Variants in L3MBTL3 observed in about 807,000 individuals in gnomAD.
L3MBTL3 encodes the protein L3MBTL histone methyl-lysine binding protein 3.
A neutral mutation model predicts 102.3 loss-of-function variants in L3MBTL3; 27 were observed. That is an observed-to-expected ratio of 0.26 (90% confidence interval 0.19 to 0.36). The LOEUF is 0.36. L3MBTL3 is among the 10% of genes least tolerant of loss of function. L3MBTL3 has a pLI of 1.00. For missense variants in L3MBTL3, 798 were observed against 955.3 expected (o/e 0.84, Z 2.17); for synonymous variants, 340 against 320.9 (o/e 1.06, Z -0.64).
chr6:130,086,270 G>A lies in L3MBTL3; in HGVS notation c.1518+20G>A. 6.7e-7 allele frequency: 1 copy of A among 1,484,846 alleles called. No homozygotes were observed. The highest frequency in any genetic ancestry group is 1.2e-5 in the South Asian group (1 of 83,538). The allele number at this position is 1,484,846 out of a possible 1,614,324, so 92.0% of individuals were successfully genotyped here. A position where few individuals can be genotyped will look rare whatever the true frequency, so the allele number is the denominator to read the frequency against. Reference sequence around the variant, plus strand: ...GTAAAAGTAAGTGTTCTGTGTGGGGGGTTGGCTTTGTCTTTTGTTATAAGA... The same window carrying A: ...GTAAAAGTAAGTGTTCTGTGTGGGGAGTTGGCTTTGTCTTTTGTTATAAGA... On this transcript the variant is annotated intron_variant, in intron 16 of 22. Transcript: ENST00000361794.
rs554935051 is a variant in L3MBTL3 at position 130,141,126 on chromosome 6, A to C, written c.*1373A>C. On this transcript the variant is annotated 3_prime_UTR_variant, in exon 23 of 23. Transcript: ENST00000361794. ...TATTTATTCAAGGACTATTTTAAAA[A>C]TAGAAAGTAAGTTTGTAGCATGCTG... 6.6e-6 allele frequency: 1 copy of C among 152,386 alleles called. No individual in the cohort carries two copies. Among genetic ancestry groups the C allele is most frequent in the Admixed American group, 6.5e-5 (1 of 15,302 alleles). The allele number at this position is 152,386 out of a possible 1,614,324, so 9.4% of individuals were successfully genotyped here.
chr6:130,116,939 T>C (rs977369292), intron 19 of L3MBTL3, among the ~76,000 whole-genome samples: 1 of 149,322 alleles, frequency 6.7e-6, no homozygotes, highest in Admixed American at 6.6e-5. Flanking sequence ...TATTTTTTTT[T>C]CCTCTTATTT....
intron 4 of L3MBTL3, 138 bp from the exon 5 acceptor site, chr6:130,049,618 G>A: frequency 7.2e-6 from 7 of 971,080 alleles, no homozygotes; most frequent in South Asian, 4.2e-5. Context: ...GTAGCACAAG[G>A]TTAGTTGGAA....
At position 130,117,845 on chromosome 6, in the gene L3MBTL3, G is replaced by A. The variant is rs540012608; in HGVS notation, c.1887-3034G>A. Among the ~76,000 whole-genome samples the A allele has an allele frequency of 4.7e-5, 7 of 148,574 alleles. No individual in the cohort carries two copies. The South Asian group carries it at 1.3e-3, about 27-fold the overall frequency. On this transcript the variant is annotated intron_variant, in intron 19 of 22. Coordinates refer to ENST00000361794, the MANE Select transcript of L3MBTL3 (RefSeq NM_032438.4). ...TTCCCAAGTAGCTGGGACTACAGGC[G>A]CATGCCAGCACGCCTGACTTTTTTT...
chr6:130,110,845 T>G (rs1785304922), intron 19 of L3MBTL3, among the ~76,000 whole-genome samples: 1 of 152,224 alleles, frequency 6.6e-6, no homozygotes, highest in African/African-American at 2.4e-5. Context: ...TAAATAGCTC[T>G]TATTATTTTG....
At chr6:130,083,549 T>C in intron 14 of L3MBTL3, 71 bp from the exon 15 acceptor site, 3 of 643,154 alleles carry the variant, frequency 4.7e-6, no homozygotes, top group Non-Finnish European at 5.4e-6. Context: ...TTTATAATTT[T>C]TGTTGGACAG....
chr6:130,123,028 A>G (rs1401253794), intron 20 of L3MBTL3, among the ~76,000 whole-genome samples: 1 of 152,226 alleles, frequency 6.6e-6, no homozygotes, highest in Non-Finnish European at 1.5e-5. Context: ...TCTAGGCTTT[A>G]AACTTGTTGA....
chr6:130,053,393 T>C (rs1781228660), intron 7 of L3MBTL3, among the ~76,000 whole-genome samples: 1 of 152,146 alleles, frequency 6.6e-6, no homozygotes, highest in South Asian at 2.1e-4. Context: ...CCCAGCACTT[T>C]GGGAGGCCGA....
chr6:130,113,588 C>T (rs1207908765), intron 19 of L3MBTL3, among the ~76,000 whole-genome samples: 1 of 152,198 alleles, frequency 6.6e-6, no homozygotes, highest in Non-Finnish European at 1.5e-5. Context: ...GCTTAGATTA[C>T]CTTGCAAGGC....
intron 2 of L3MBTL3, among the ~76,000 whole-genome samples, chr6:130,037,267 T>C (rs925461718): frequency 2.0e-5 from 3 of 152,178 alleles, no homozygotes; most frequent in African/African-American, 4.8e-5. Context: ...ATAATTTCAC[T>C]AAATTTCCTT....
intron 1 of L3MBTL3, chr6:130,019,559 C>G (rs1281638706): frequency 6.6e-6 from 1 of 151,140 alleles, no homozygotes; most frequent in Admixed American, 6.6e-5. Flanking sequence ...GGCGCGTCTC[C>G]CCGGCGTGTG....
chr6:130,094,404 G>A (rs1446490049), intron 18 of L3MBTL3, 37 bp downstream of exon 18: 4 of 1,395,572 alleles, frequency 2.9e-6, no homozygotes, highest in Non-Finnish European at 3.0e-6. Context: ...TCAGATATAG[G>A]TGTTCCATAT....
At chr6:130,135,915 A>G (rs896308438) in intron 22 of L3MBTL3, among the ~76,000 whole-genome samples, 1 of 152,248 alleles carries the variant, frequency 6.6e-6, no homozygotes, top group Non-Finnish European at 1.5e-5. Flanking sequence ...CAAGTAAACC[A>G]TAGTACAAAT....
intron 16 of L3MBTL3, 144 bp from the exon 17 acceptor site, chr6:130,092,601 A>C (rs1784125418): frequency 1.8e-6 from 1 of 554,830 alleles, no homozygotes. Context: ...TTATGAGTGA[A>C]GTATTTTGAA....
At chr6:130,116,218 A>T (rs745832776) in intron 19 of L3MBTL3, among the ~76,000 whole-genome samples, 10 of 152,212 alleles carry the variant, frequency 6.6e-5, no homozygotes, top group African/African-American at 2.2e-4. Flanking sequence ...TCATGCTCCT[A>T]CTTAAGTGCC....
intron 20 of L3MBTL3, among the ~76,000 whole-genome samples, chr6:130,125,987 G>A (rs1266663198): frequency 6.8e-6 from 1 of 146,916 alleles, no homozygotes; most frequent in East Asian, 2.0e-4. Flanking sequence ...GTACAGTAGA[G>A]TATGTGTAAT....
intron 13 of L3MBTL3, among the ~76,000 whole-genome samples, chr6:130,076,457 T>G (rs1782956322): frequency 6.6e-6 from 1 of 152,144 alleles, no homozygotes; most frequent in South Asian, 2.1e-4. Flanking sequence ...AAGCATGGAT[T>G]TTTTTTAAAA....
chr6:130,114,826 T>A (rs1490022439), intron 19 of L3MBTL3, among the ~76,000 whole-genome samples: 9 of 152,140 alleles, frequency 5.9e-5, no homozygotes, highest in Non-Finnish European at 1.3e-4. Context: ...GAAGTTTTAG[T>A]CCCAAGTCCC....
intron 20 of L3MBTL3, 115 bp downstream of exon 20, chr6:130,121,073 TTTTTATTG>T (rs1375935853): frequency 1.5e-6 from 1 of 685,804 alleles, no homozygotes; most frequent in Admixed American, 3.0e-5. Context: ...TTATTTTTTA[TTTTTATTG>T]TTTTATTTTA....
Sources: gnomAD v4.1 joint callset for allele counts (sites outside exome capture counted in the v4.1 genomes callset) on GRCh38, gnomAD v4.1.1 for gene constraint, MANE v1.5 for transcripts, NCBI Gene and HGNC (gene_info 2026-07-23, HGNC 2026-07-21) for gene names.